KAZN: variants seen among roughly 807,000 people sequenced by gnomAD.
KAZN encodes kazrin.
In KAZN, 40 loss-of-function variants were observed where a neutral mutation model predicts 87.4. That is an observed-to-expected ratio of 0.46 (90% CI 0.36 to 0.60). The LOEUF (loss-of-function observed/expected upper bound fraction) is 0.60. KAZN is among the 20% of genes least tolerant of loss of function. The pLI is 0.00. For missense variants in KAZN, 898 were observed against 1,073.9 expected (o/e 0.84, Z 2.29); for synonymous variants, 466 against 458.3 (o/e 1.02, Z -0.22).
chr1:15,075,940 G>C (rs751419869), intron 8 of KAZN, among the ~76,000 whole-genome samples: 9 of 152,246 alleles, frequency 5.9e-5, no homozygotes, highest in African/African-American at 2.2e-4. Flanking sequence ...CCCTTTGGTG[G>C]CTCTGAGCTG....
intron 2 of KAZN, among the ~76,000 whole-genome samples, chr1:14,435,187 C>A (rs1666309100): frequency 6.6e-6 from 1 of 152,200 alleles, no homozygotes; most frequent in African/African-American, 2.4e-5. Context: ...CACTGTTCTC[C>A]CTGCTTTCCT....
intron 1 of KAZN, among the ~76,000 whole-genome samples, chr1:14,815,085 G>T (rs1253367858): frequency 6.6e-6 from 1 of 152,258 alleles, no homozygotes; most frequent in African/African-American, 2.4e-5. Context: ...CCTCTCTCAC[G>T]CATTTACCAA....
intron 3 of KAZN, among the ~76,000 whole-genome samples, chr1:15,043,202 T>C (rs1673094675): frequency 6.6e-6 from 1 of 152,228 alleles, no homozygotes; most frequent in South Asian, 2.1e-4. Context: ...CCGGACCTTG[T>C]GGCAGTCCAG....
Position 14,127,339 on chromosome 1 carries a change from G to A in KAZN, c.92-53096G>A, listed in dbSNP as rs1440424004. On this transcript the variant is annotated intron_variant, in intron 1 of 16. Transcript: ENST00000636203. ...GAAAACAATTTTAGAGGTAATGTAGGATCCATGAAGCCTATATATGTTTTC... is the reference window on the plus strand; with the variant it reads ...GAAAACAATTTTAGAGGTAATGTAGAATCCATGAAGCCTATATATGTTTTC... Among the ~76,000 whole-genome samples the A allele has an allele frequency of 2.6e-5, 4 of 151,244 alleles. No homozygotes were observed. The South Asian group carries it at 6.2e-4, about 24-fold the overall frequency.
chr1:13,934,059 C>A (rs574009702), intron 1 of KAZN, among the ~76,000 whole-genome samples: 261 of 152,318 alleles, frequency 1.7e-3, no homozygotes, highest in African/African-American at 6.1e-3. Flanking sequence ...TGGAAATAGC[C>A]TGTACCAGTC....
intron 1 of KAZN, among the ~76,000 whole-genome samples, chr1:14,654,150 G>A (rs183178650): frequency 2.6e-5 from 4 of 152,244 alleles, no homozygotes; most frequent in South Asian, 4.2e-4. Flanking sequence ...CTCTGGGTGC[G>A]GTGGCAGGTG....
intron 2 of KAZN, among the ~76,000 whole-genome samples, chr1:14,292,336 G>A (rs770245611): frequency 2.0e-5 from 3 of 152,210 alleles, no homozygotes; most frequent in Non-Finnish European, 4.4e-5. Flanking sequence ...AGGGAGAAAT[G>A]AGATGCTGTG....
chr1:14,979,019 C>T (rs1665957197), intron 2 of KAZN, among the ~76,000 whole-genome samples: 1 of 151,920 alleles, frequency 6.6e-6, no homozygotes, highest in Non-Finnish European at 1.5e-5. Context: ...ATTCTCCTGC[C>T]TCAGCCTCCT....
intron 1 of KAZN, among the ~76,000 whole-genome samples, chr1:13,927,901 G>A (rs1011990925): frequency 6.6e-6 from 1 of 152,188 alleles, no homozygotes; most frequent in African/African-American, 2.4e-5. Context: ...TGAACATCAA[G>A]GAGGAGGGCA....
intron 1 of KAZN, among the ~76,000 whole-genome samples, chr1:14,756,742 G>C (rs1347447381): frequency 6.6e-6 from 1 of 152,176 alleles, no homozygotes; most frequent in African/African-American, 2.4e-5. Flanking sequence ...CAGGCATTGT[G>C]AATATAAAGA....
chr1:14,504,888 C>T (rs190508773), intron 2 of KAZN, among the ~76,000 whole-genome samples: 1 of 152,220 alleles, frequency 6.6e-6, no homozygotes, highest in East Asian at 1.9e-4. Flanking sequence ...GTTTAGGTTG[C>T]AAGTGATAGA....
intron 2 of KAZN, among the ~76,000 whole-genome samples, chr1:14,189,701 T>C (rs1457516105): frequency 6.6e-6 from 1 of 152,150 alleles, no homozygotes; most frequent in African/African-American, 2.4e-5. Flanking sequence ...CCAGCCTCTG[T>C]TTGTATCAAG....
At chr1:14,814,635 C>T (rs1435335243) in intron 1 of KAZN, among the ~76,000 whole-genome samples, 1 of 152,204 alleles carries the variant, frequency 6.6e-6, no homozygotes, top group Non-Finnish European at 1.5e-5. Context: ...GCAAGGGCTC[C>T]TACCTGGCCC....
chr1:14,528,349 AAAAAAAAAAAAAG>A (rs1445834023), intron 2 of KAZN, among the ~76,000 whole-genome samples: 8 of 145,016 alleles, frequency 5.5e-5, no homozygotes, highest in Admixed American at 5.4e-4. Context: ...AAAAAAAAAA[AAAAAAAAAAAAAG>A]AAAGAAAAAA....
At chr1:14,974,278 A>G (rs767199428) in intron 2 of KAZN, among the ~76,000 whole-genome samples, 2 of 152,194 alleles carry the variant, frequency 1.3e-5, no homozygotes, top group Non-Finnish European at 2.9e-5. Context: ...ACCCCACACT[A>G]TAAAAGGCAT....
chr1:14,982,464 C>G (rs1666356334), intron 2 of KAZN, among the ~76,000 whole-genome samples: 1 of 117,252 alleles, frequency 8.5e-6, no homozygotes, highest in African/African-American at 3.4e-5. Context: ...GAGTGACACT[C>G]TGTCACCCAG....
chr1:14,861,513 ATGTT>A (rs1374179142), intron 1 of KAZN, among the ~76,000 whole-genome samples: 3 of 152,162 alleles, frequency 2.0e-5, no homozygotes, highest in Non-Finnish European at 4.4e-5. Flanking sequence ...TTCTCCACTA[ATGTT>A]TGTTACTTCA....
At chr1:14,728,287 TATAAAAAAA>T (rs1401666939) in intron 1 of KAZN, among the ~76,000 whole-genome samples, 53 of 70,426 alleles carry the variant, frequency 7.5e-4, no homozygotes, top group African/African-American at 2.7e-3. Flanking sequence ...ACACCGTATA[TATAAAAAAA>T]AAAAAAAAAA....
At chr1:15,046,452 TGACGGAGGTAGAA>T (rs1673540489) in intron 4 of KAZN, among the ~76,000 whole-genome samples, 1 of 151,680 alleles carries the variant, frequency 6.6e-6, no homozygotes, top group South Asian at 2.1e-4. Flanking sequence ...TGTCTCGGGG[TGACGGAGGTAGAA>T]GAAAATCCGC....
Sources: gnomAD v4.1 joint callset for allele counts (sites outside exome capture counted in the v4.1 genomes callset) on GRCh38, gnomAD v4.1.1 for gene constraint, MANE v1.5 for transcripts, NCBI Gene and HGNC (gene_info 2026-07-23, HGNC 2026-07-21) for gene names.